The following DNAH17 variants were observed in gnomAD, a reference collection of about 807,000 sequenced individuals.
DNAH17 encodes dynein axonemal heavy chain 17, also known as axonemal beta dynein heavy chain 17.
A neutral mutation model predicts 485.6 loss-of-function variants in DNAH17; 376 were observed. The ratio of observed to expected loss-of-function variants is 0.77; its 90% CI spans 0.71 to 0.84. The LOEUF (loss-of-function observed/expected upper bound fraction) is 0.84. Among genes scored for constraint, DNAH17 ranks in the 40% least tolerant of loss-of-function variants. The pLI is 0.00. For synonymous variants in DNAH17, 3,031 were observed against 2,405.9 expected, an observed-to-expected ratio of 1.26 and a Z score of -7.60; for missense variants, 6,370 against 5,839.3, an observed-to-expected ratio of 1.09 and a Z score of -2.96.
chr17:78,566,779 C>G (rs1010232969), intron 10 of DNAH17, 49 bp from the exon 11 acceptor site: 2 of 1,459,806 alleles, frequency 1.4e-6, no homozygotes, highest in African/African-American at 1.4e-5. Flanking sequence ...GCAAAGCAAG[C>G]CAAGGGCACC....
chr17:78,463,102 T>G, intron 56 of DNAH17, 25 bp from the exon 57 acceptor site: 1 of 1,606,724 alleles, frequency 6.2e-7, no homozygotes, highest in Non-Finnish European at 8.5e-7. Context: ...CAGCCAGTCA[T>G]CCCTGGGACC....
At chr17:78,497,004 T>G (rs2090099121) in intron 37 of DNAH17, 1 of 152,212 alleles carries the variant, frequency 6.6e-6, no homozygotes, top group Non-Finnish European at 1.5e-5. Flanking sequence ...AGCAGAATTC[T>G]CTGGAGATGC....
chr17:78,511,405 C>T (rs74500826), intron 26 of DNAH17, among the ~76,000 whole-genome samples: 367 of 152,286 alleles, frequency 2.4e-3, no homozygotes, highest in Middle Eastern at 0.017. Flanking sequence ...ACCGCACCCC[C>T]GGCTAGATCT....
chr17:78,507,501 G>A lies in DNAH17; in HGVS notation c.4541C>T (p.Pro1514Leu), dbSNP rs374975498. 40 of 1,613,048 alleles carry A rather than the reference G, an allele frequency of 2.5e-5. No homozygotes were observed. Among genetic ancestry groups the A allele is most frequent in the South Asian group, 2.2e-4 (20 of 91,082 alleles). Reference sequence around the variant, plus strand: ...GTCGTCAAAGCGCTGGGAGTCCCCCGGGAGCTGGGTGCGGATGTCTTCGGA... The same window carrying A: ...GTCGTCAAAGCGCTGGGAGTCCCCCAGGAGCTGGGTGCGGATGTCTTCGGA... ...IGSEDIRTQLPGDSQRFDDIN... is the reference protein window; with the variant it reads ...IGSEDIRTQLLGDSQRFDDIN... The change falls in exon 28 of 81, where the codon CCG (proline) becomes CTG (leucine). Residue 1514 changes from proline (P) to leucine (L), a missense_variant. Coordinates refer to ENST00000389840, the MANE Select transcript of DNAH17 (RefSeq NM_173628.4).
chr17:78,575,109 G>C (rs1353212927), intron 1 of DNAH17, 27 bp from the exon 2 acceptor site: 3 of 1,452,690 alleles, frequency 2.1e-6, no homozygotes, highest in Admixed American at 4.2e-5. Flanking sequence ...AAACAGGTAC[G>C]AACTGTCTCC....
At chr17:78,555,435 T>C (rs1390049550) in intron 14 of DNAH17, among the ~76,000 whole-genome samples, 1 of 148,316 alleles carries the variant, frequency 6.7e-6, no homozygotes, top group Non-Finnish European at 1.5e-5. Context: ...TGGAGAAAGG[T>C]GCTGTGTTTC....
Position 78,532,482 on chromosome 17 carries a change from C to A in DNAH17, c.3114G>T (p.Gln1038His), listed in dbSNP as rs770824949. 4.0e-5 allele frequency: 64 copies of A among 1,609,130 alleles called. No homozygotes were observed. Among genetic ancestry groups the A allele is most frequent in the South Asian group, 3.9e-4 (35 of 90,166 alleles). Residue 1038 changes from glutamine (Q) to histidine (H), a missense_variant and splice_region_variant, in exon 20 of 81, where the codon CAG (glutamine) becomes CAT (histidine). Gln to His is a conservative substitution (Grantham distance 24, BLOSUM62 0). Coordinates refer to ENST00000389840, the MANE Select transcript of DNAH17 (RefSeq NM_173628.4). ...GCTGGTGGGTGAGGTCTGCACGCACCTGCTCCTGGAACTGAGCCAGGGTGG... is the reference window on the plus strand; with the variant it reads ...GCTGGTGGGTGAGGTCTGCACGCACATGCTCCTGGAACTGAGCCAGGGTGG... ...TPPTLAQFQE[Q>H]IDSYEKLYEE... is the part of the protein sequence containing the mutation.
intron 14 of DNAH17, among the ~76,000 whole-genome samples, chr17:78,557,714 C>G (rs951972566): frequency 6.9e-5 from 5 of 71,992 alleles, no homozygotes; most frequent in Admixed American, 1.6e-4. Context: ...ACCAGCTGTT[C>G]TGAGTCATCA....
At chr17:78,478,808 T>C (rs73379407) in intron 51 of DNAH17, 7,410 of 527,158 alleles carry the variant, frequency 0.014, 437 homozygotes, top group African/African-American at 0.14. Flanking sequence ...ACTACCACCA[T>C]CATCACATCA....
At chr17:78,501,484 C>T (rs2090287608) in intron 34 of DNAH17, 140 bp from the exon 35 acceptor site, 2 of 1,132,598 alleles carry the variant, frequency 1.8e-6, no homozygotes, top group African/African-American at 1.6e-5. Context: ...CCAGCACCCA[C>T]ATCCAACTGT....
At chr17:78,477,623 C>T (rs1467267230) in intron 51 of DNAH17, among the ~76,000 whole-genome samples, 5 of 152,090 alleles carry the variant, frequency 3.3e-5, no homozygotes, top group African/African-American at 1.2e-4. Context: ...GTGATCTGCC[C>T]GCCTTGGCCT....
chr17:78,556,330 G>T (rs1351639027), intron 14 of DNAH17, among the ~76,000 whole-genome samples: 1 of 152,170 alleles, frequency 6.6e-6, no homozygotes, highest in Non-Finnish European at 1.5e-5. Flanking sequence ...GCCTCTAGAC[G>T]CTGGAAAAGA....
At chr17:78,478,978 G>A (rs1229825635) in intron 51 of DNAH17, 47 bp downstream of exon 51, 1 of 1,534,020 alleles carries the variant, frequency 6.5e-7, no homozygotes, top group Admixed American at 1.7e-5. Context: ...TGTGGATCAG[G>A]CACTGGACCG....
Position 78,551,463 on chromosome 17 carries a change from C to G in DNAH17, c.2391+72G>C. ...TCGCAGCACTTTCCATGGGCCTCTA[C>G]GTAGCCTGGTTTGCCCCAGGGCAGC... On this transcript the variant is annotated intron_variant, in intron 16 of 80. Coordinates refer to ENST00000389840, the MANE Select transcript of DNAH17 (RefSeq NM_173628.4). The G allele has an allele frequency of 2.8e-6, 4 of 1,428,974 alleles. No individual in the cohort carries two copies. In the Admixed American group the frequency reaches 5.2e-5, roughly 19 times the overall value. 88.5% of individuals were successfully genotyped at this position (1,428,974 alleles called of 1,614,324 possible).
chr17:78,448,363 T>A (rs2087403071), intron 69 of DNAH17, among the ~76,000 whole-genome samples: 1 of 151,454 alleles, frequency 6.6e-6, no homozygotes, highest in African/African-American at 2.4e-5. Context: ...AATAAAAAAT[T>A]AAAAAACTGA....
intron 16 of DNAH17, among the ~76,000 whole-genome samples, chr17:78,549,363 G>A (rs1049539675): frequency 2.6e-5 from 4 of 152,170 alleles, no homozygotes; most frequent in Non-Finnish European, 5.9e-5. Flanking sequence ...AACTCAGTCT[G>A]CAGTATTTTC....
intron 44 of DNAH17, among the ~76,000 whole-genome samples, chr17:78,487,406 C>T (rs1413634397): frequency 4.6e-5 from 7 of 152,214 alleles, no homozygotes; most frequent in Non-Finnish European, 1.0e-4. Context: ...GCCTGGCCCC[C>T]TCGAGTGCCA....
intron 56 of DNAH17, among the ~76,000 whole-genome samples, chr17:78,466,353 G>C (rs1984712): frequency 0.038 from 5,787 of 152,114 alleles, 359 homozygotes; most frequent in African/African-American, 0.13. Flanking sequence ...TTGTTCACTT[G>C]TTTATCTGCT....
chr17:78,479,843 C>T (rs2089270849), intron 49 of DNAH17, among the ~76,000 whole-genome samples: 1 of 152,086 alleles, frequency 6.6e-6, no homozygotes, highest in Admixed American at 6.5e-5. Flanking sequence ...ACTTCATGCT[C>T]TCAAGAAGAA....
Sources: gnomAD v4.1 joint callset for allele counts (sites outside exome capture counted in the v4.1 genomes callset) on GRCh38, gnomAD v4.1.1 for gene constraint, MANE v1.5 for transcripts, NCBI Gene and HGNC (gene_info 2026-07-23, HGNC 2026-07-21) for gene names.